FOLH1: variants seen among roughly 807,000 people sequenced by gnomAD.
FOLH1 encodes folate hydrolase 1.
FOLH1 carries 54 observed loss-of-function variants against 93.9 expected under a neutral mutation model. The ratio of observed to expected loss-of-function variants is 0.57; its 90% CI spans 0.46 to 0.72. The LOEUF is 0.72. Ranked by LOEUF, FOLH1 falls within the 30% of genes least tolerant of loss-of-function variation. FOLH1 has a pLI of 0.00. For synonymous variants in FOLH1, 249 were observed against 303.6 expected (o/e 0.82, Z 1.87); for missense variants, 571 against 892.5 (o/e 0.64, Z 4.59).
At chr11:49,165,517 G>C in intron 12 of FOLH1, among the ~76,000 whole-genome samples, 1 of 152,166 alleles carries the variant, frequency 6.6e-6, no homozygotes, top group Non-Finnish European at 1.5e-5. Context: ...GCACAGGGAG[G>C]GGCTGCTGAC....
chr11:49,152,642 T>A (rs1383294784), intron 17 of FOLH1, among the ~76,000 whole-genome samples: 1 of 152,196 alleles, frequency 6.6e-6, no homozygotes. Flanking sequence ...TCTTTTGGAC[T>A]GTTTAAATTA....
intron 13 of FOLH1, among the ~76,000 whole-genome samples, chr11:49,160,620 T>C (rs1259509218): frequency 2.0e-5 from 3 of 152,092 alleles, no homozygotes; most frequent in Non-Finnish European, 2.9e-5. Context: ...TTTTTTGTAT[T>C]TTTAGTAGAG....
At chr11:49,175,563 T>C (rs990592042) in intron 8 of FOLH1, among the ~76,000 whole-genome samples, 3 of 152,194 alleles carry the variant, frequency 2.0e-5, no homozygotes, top group South Asian at 2.1e-4. Flanking sequence ...GTCAGAATTA[T>C]TGATTCTGAA....
At position 49,208,415 on chromosome 11, in the gene FOLH1, C is replaced by G. The variant is rs1233078484; in HGVS notation, c.-6G>C. ...TCGTGAAGGAGATTCCACATCTCGG[C>G]GCGAGCAGAGCCGGCCTCCCGGGAC... On this transcript the variant is annotated 5_prime_UTR_variant, in exon 1 of 19. Transcript: ENST00000256999. The G allele has an allele frequency of 2.5e-6, 4 of 1,587,164 alleles. No homozygotes were observed. Among genetic ancestry groups the G allele is most frequent in the Non-Finnish European group, 3.4e-6 (4 of 1,163,844 alleles).
intron 5 of FOLH1, among the ~76,000 whole-genome samples, chr11:49,186,376 G>C (rs1861382278): frequency 6.6e-6 from 1 of 152,118 alleles, no homozygotes; most frequent in African/African-American, 2.4e-5. Context: ...CCCAGTGCAT[G>C]CTTCTTTGTA....
At chr11:49,200,949 G>A (rs868490242) in intron 2 of FOLH1, among the ~76,000 whole-genome samples, 2 of 151,994 alleles carry the variant, frequency 1.3e-5, no homozygotes, top group Non-Finnish European at 1.5e-5. Flanking sequence ...TGAACATACC[G>A]ATACAAGTTC....
intron 14 of FOLH1, 81 bp from the exon 15 acceptor site, chr11:49,156,888 C>A: frequency 6.3e-7 from 1 of 1,583,682 alleles, no homozygotes; most frequent in Admixed American, 1.8e-5. Flanking sequence ...AACTAAACCC[C>A]ATTCTTACTA....
intron 7 of FOLH1, among the ~76,000 whole-genome samples, chr11:49,178,590 T>C (rs1190163176): frequency 6.6e-6 from 1 of 152,206 alleles, no homozygotes; most frequent in African/African-American, 2.4e-5. Flanking sequence ...GAAGTTTCAG[T>C]TGAAAAATGT....
chr11:49,174,941 C>T lies in FOLH1; in HGVS notation c.1056G>A (p.Val352=), dbSNP rs555590356. 16 of 1,610,502 alleles carry T rather than the reference C, an allele frequency of 9.9e-6. No individual in the cohort carries two copies. The highest frequency in any genetic ancestry group is 1.7e-5 in the Admixed American group (1 of 59,710). Residue 352 remains valine, a synonymous_variant, in exon 9 of 19, where the codon GTG becomes GTA. Transcript: ENST00000256999. ...TACCTATCACATTGTAAATTCTTGT[C>T]ACTTCATTGGTAGAGTGGATGTGCA... is the stretch of plus-strand genomic sequence containing the variant. ...VKMHIHSTNE[V]TRIYNVIGTL... is the part of the protein sequence containing the mutation.
chr11:49,185,103 T>C (rs1861215665), intron 6 of FOLH1, among the ~76,000 whole-genome samples: 2 of 152,288 alleles, frequency 1.3e-5, no homozygotes, highest in Non-Finnish European at 2.9e-5. Context: ...AATGAAGCAA[T>C]ATGCATTTCC....
At chr11:49,208,185 T>G in intron 1 of FOLH1, 107 bp downstream of exon 1, 1 of 830,348 alleles carries the variant, frequency 1.2e-6, no homozygotes, top group Non-Finnish European at 1.9e-6. Context: ...TCGCCGCCCC[T>G]GGGGAAGACC....
At chr11:49,169,807 G>T (rs938751476) in intron 11 of FOLH1, among the ~76,000 whole-genome samples, 1 of 152,100 alleles carries the variant, frequency 6.6e-6, no homozygotes, top group African/African-American at 2.4e-5. Flanking sequence ...CACACTTTTA[G>T]AACAAAGCGT....
intron 6 of FOLH1, among the ~76,000 whole-genome samples, chr11:49,184,573 G>A (rs1381142919): frequency 6.6e-6 from 1 of 151,836 alleles, no homozygotes; most frequent in African/African-American, 2.4e-5. Flanking sequence ...TTACTATAGG[G>A]TAATATGTGT....
At chr11:49,147,378 ACCCCC>A (rs1590389024) in intron 18 of FOLH1, among the ~76,000 whole-genome samples, 1 of 151,954 alleles carries the variant, frequency 6.6e-6, no homozygotes, top group East Asian at 1.9e-4. Flanking sequence ...ATATCATGCT[ACCCCC>A]TATATTATAG....
chr11:49,176,233 T>G (rs965916946), intron 7 of FOLH1, among the ~76,000 whole-genome samples: 6 of 152,228 alleles, frequency 3.9e-5, no homozygotes, highest in Non-Finnish European at 7.3e-5. Context: ...GAATTTGATC[T>G]GCCTTACCAG....
chr11:49,208,357 G>C lies in FOLH1; in HGVS notation c.53C>G (p.Pro18Arg). The C allele has an allele frequency of 6.2e-7, 1 of 1,602,170 alleles. No individual in the cohort carries two copies. ...CAGCGCCCCAGCGCACAGCCAGCGC[G>C]GGCGGCGCGCGGTGGCCACAGCCGA... ...TDSAVATARR[P>R]RWLCAGALVL... The change falls in exon 1 of 19, where the codon CCG (proline) becomes CGG (arginine). Residue 18 changes from proline to arginine, a missense_variant. Transcript: ENST00000256999.
At chr11:49,181,981 G>T (rs1366288192) in intron 7 of FOLH1, among the ~76,000 whole-genome samples, 1 of 152,132 alleles carries the variant, frequency 6.6e-6, no homozygotes, top group African/African-American at 2.4e-5. Flanking sequence ...CTGGCCAGAC[G>T]CTTTGGTCTC....
At chr11:49,152,309 T>C (rs1276597001) in intron 17 of FOLH1, among the ~76,000 whole-genome samples, 1 of 152,190 alleles carries the variant, frequency 6.6e-6, no homozygotes, top group African/African-American at 2.4e-5. Context: ...GTGGAAATAC[T>C]ATGTCAAAGC....
At chr11:49,154,200 G>A (rs770398257) in intron 16 of FOLH1, 28 bp downstream of exon 16, 41 of 1,610,362 alleles carry the variant, frequency 2.5e-5, no homozygotes, top group South Asian at 6.6e-5. Context: ...ATACAGATGA[G>A]GAATTTGAAA....
Sources: allele counts gnomAD v4.1 joint callset (sites outside exome capture counted in the v4.1 genomes callset), GRCh38; gene constraint gnomAD v4.1.1; transcripts MANE v1.5; gene names NCBI Gene and HGNC (gene_info 2026-07-23, HGNC 2026-07-21).